FAIM: variants seen among roughly 807,000 people sequenced by gnomAD.
The protein encoded by FAIM is Fas apoptotic inhibitory molecule.
Under a neutral mutation model 21.2 loss-of-function variants are expected in FAIM, and 14 were observed. The ratio of observed to expected loss-of-function variants is 0.66; its 90% CI spans 0.44 to 1.03. The LOEUF (loss-of-function observed/expected upper bound fraction) is 1.03, where lower values mean the gene tolerates loss of function less well. Among genes scored for constraint, FAIM ranks in the 50% least tolerant of loss-of-function variants. The pLI is 0.00. For missense variants in FAIM, 222 were observed against 247.1 expected, an observed-to-expected ratio of 0.90 and a Z score of 0.68; for synonymous variants, 86 against 80.4, an observed-to-expected ratio of 1.07 and a Z score of -0.37.
At chr3:138,628,640 A>G (rs571696288) in intron 4 of FAIM, among the ~76,000 whole-genome samples, 9 of 152,014 alleles carry the variant, frequency 5.9e-5, no homozygotes, top group African/African-American at 1.9e-4. Context: ...ACCCACCACC[A>G]TGCCCGGCTA....
rs376626710 is a variant in FAIM, at chr3:138,621,578, T to C, written c.177+39T>C. On this transcript the variant is annotated intron_variant, in intron 3 of 5. Coordinates refer to ENST00000360570, the MANE Select transcript of FAIM (RefSeq NM_001033031.2). Reference sequence around the variant, plus strand: ...ATGTTACTTTGTAAAATATGATATATAGAGAAACTTGATTTTGTTAAAGTA... The same window carrying C: ...ATGTTACTTTGTAAAATATGATATACAGAGAAACTTGATTTTGTTAAAGTA... The C allele has an allele frequency of 6.6e-5, 103 of 1,567,650 alleles. No individual in the cohort carries two copies. The African/African-American group carries it at 1.3e-3, about 19-fold the overall frequency.
At chr3:138,614,511 G>T (rs953832082) in intron 1 of FAIM, among the ~76,000 whole-genome samples, 2 of 152,144 alleles carry the variant, frequency 1.3e-5, no homozygotes, top group African/African-American at 2.4e-5. Flanking sequence ...CTTGATAGCA[G>T]GTTCAAATGT....
chr3:138,633,057 A>C lies in FAIM; in HGVS notation c.584A>C (p.Glu195Ala). The C allele has an allele frequency of 6.2e-7, 1 of 1,612,978 alleles. No individual in the cohort carries two copies. The highest frequency in any genetic ancestry group is 8.5e-7 in the Non-Finnish European group (1 of 1,179,568). ...CATACTCTCATTGTGGATAATAGAG[A>C]AATCCCAGAGATTGCAAGTTAATGA... ...IIHTLIVDNR[E>A]IPEIAS Residue 195 changes from glutamate to alanine, a missense_variant, in exon 6 of 6, where the codon GAA becomes GCA. Glu to Ala is a moderately radical substitution (Grantham distance 107). Transcript: ENST00000360570.
intron 4 of FAIM, 108 bp downstream of exon 4, chr3:138,622,524 T>C (rs1203264167): frequency 2.7e-6 from 2 of 751,062 alleles, no homozygotes; most frequent in Non-Finnish European, 4.2e-6. Flanking sequence ...GAAGAGGGAG[T>C]GTAAGTGCAG....
chr3:138,632,129 A>G (rs2043012157), intron 5 of FAIM, among the ~76,000 whole-genome samples: 1 of 150,402 alleles, frequency 6.6e-6, no homozygotes, highest in Non-Finnish European at 1.5e-5. Context: ...GATCACTGCT[A>G]CTCAATCAAA....
intron 4 of FAIM, among the ~76,000 whole-genome samples, chr3:138,622,832 A>T (rs925871245): frequency 3.9e-5 from 6 of 152,146 alleles, no homozygotes; most frequent in African/African-American, 1.4e-4. Flanking sequence ...TGAGGTCAGG[A>T]GTTTGAGACC....
At chr3:138,615,905 C>A (rs1180068270) in intron 1 of FAIM, among the ~76,000 whole-genome samples, 1 of 152,068 alleles carries the variant, frequency 6.6e-6, no homozygotes, top group East Asian at 1.9e-4. Flanking sequence ...ATAGAGAAGC[C>A]CAAAAGCAGG....
chr3:138,627,100 TA>T (rs1207370851), intron 4 of FAIM, among the ~76,000 whole-genome samples: 1 of 152,158 alleles, frequency 6.6e-6, no homozygotes, highest in Non-Finnish European at 1.5e-5. Flanking sequence ...GAGTTTGACA[TA>T]TTTTTTTCAG....
chr3:138,627,503 C>A (rs2042951696), intron 4 of FAIM, among the ~76,000 whole-genome samples: 1 of 151,970 alleles, frequency 6.6e-6, no homozygotes, highest in Non-Finnish European at 1.5e-5. Flanking sequence ...TTTATGTAGT[C>A]AAATTTAATA....
intron 1 of FAIM, among the ~76,000 whole-genome samples, chr3:138,609,589 CT>C (rs2042741600): frequency 4.7e-5 from 2 of 42,570 alleles, no homozygotes; most frequent in African/African-American, 8.5e-5. Context: ...CTCTCTCTCT[CT>C]CGACTCTCTC....
chr3:138,620,105 A>G (rs2042868470), intron 2 of FAIM, among the ~76,000 whole-genome samples: 1 of 152,230 alleles, frequency 6.6e-6, no homozygotes, highest in South Asian at 2.1e-4. Context: ...ACAAAGAGGA[A>G]GATGTAGTTA....
intron 4 of FAIM, among the ~76,000 whole-genome samples, chr3:138,628,465 T>TTTTATTTATTTATTTATTTA (rs58887564): frequency 2.5e-4 from 37 of 149,074 alleles, no homozygotes; most frequent in African/African-American, 9.1e-4. Context: ...CATCCTTCTT[T>TTTTATTTATTTATTTATTTA]TTTATTTATT....
At chr3:138,613,778 C>A (rs1462683007) in intron 1 of FAIM, among the ~76,000 whole-genome samples, 1 of 152,206 alleles carries the variant, frequency 6.6e-6, no homozygotes, top group Non-Finnish European at 1.5e-5. Context: ...AGCCACCACA[C>A]CCAGTCAGTT....
In FAIM at chr3:138,632,932, TGA is replaced by T; in HGVS notation, c.461_462del (p.Glu154ValfsTer4). On this transcript the variant is annotated frameshift_variant, in exon 6 of 6. Transcript: ENST00000360570. LOFTEE classifies it high-confidence loss of function. The stretch of plus-strand genomic sequence containing the variant: ...TCCTTCTTCTTTTGTTGCTCCAGGG[TGA>T]GTTTGTAGATGATGGGACTGAAACT... ...CNGKKLETAG[E>X]FVDDGTETHF... 1 of 1,611,978 alleles carries T rather than the reference TGA, an allele frequency of 6.2e-7. No homozygotes were observed. Among genetic ancestry groups the T allele is most frequent in the Non-Finnish European group, 8.5e-7 (1 of 1,179,194 alleles).
chr3:138,628,312 C>T (rs889541903), intron 4 of FAIM, among the ~76,000 whole-genome samples: 4 of 152,008 alleles, frequency 2.6e-5, no homozygotes, highest in Admixed American at 2.6e-4. Context: ...TGCTGTCTAT[C>T]CTATATAAAT....
intron 4 of FAIM, among the ~76,000 whole-genome samples, chr3:138,626,755 A>T (rs897767432): frequency 1.3e-5 from 2 of 152,164 alleles, no homozygotes; most frequent in Non-Finnish European, 2.9e-5. Flanking sequence ...GACTAATTGT[A>T]TTTGTCATCT....
chr3:138,622,560 TA>T (rs1430531534), intron 4 of FAIM, 144 bp downstream of exon 4: 7 of 608,888 alleles, frequency 1.1e-5, no homozygotes, highest in African/African-American at 1.9e-5. Flanking sequence ...TTAGAAACAT[TA>T]AAAAAATTTT....
intron 1 of FAIM, among the ~76,000 whole-genome samples, chr3:138,613,443 T>G (rs2108334936): frequency 6.6e-6 from 1 of 152,322 alleles, no homozygotes; most frequent in Non-Finnish European, 1.5e-5. Flanking sequence ...TCCTTGTCCT[T>G]TCACTTTCTA....
intron 4 of FAIM, among the ~76,000 whole-genome samples, chr3:138,623,339 T>TTAGCAG (rs2042908034): frequency 6.6e-6 from 1 of 152,152 alleles, no homozygotes. Flanking sequence ...TTTACTCGTG[T>TTAGCAG]TCTCTATTGC....
Sources: allele counts gnomAD v4.1 joint callset (sites outside exome capture counted in the v4.1 genomes callset), GRCh38; gene constraint gnomAD v4.1.1; transcripts MANE v1.5; gene names NCBI Gene and HGNC (gene_info 2026-07-23, HGNC 2026-07-21).